AXIN1: variants seen among roughly 807,000 people sequenced by gnomAD.
The protein encoded by AXIN1 is axin-1.
A neutral mutation model predicts 76.4 loss-of-function variants in AXIN1; 30 were observed. The ratio of observed to expected loss-of-function variants is 0.39; its 90% confidence interval spans 0.29 to 0.53. AXIN1 has a LOEUF of 0.53. Among genes scored for constraint, AXIN1 ranks in the 20% least tolerant of loss-of-function variants. The pLI, the probability that AXIN1 is intolerant of heterozygous loss-of-function variation, is 0.66. For missense variants in AXIN1, 1,140 were observed against 1,198.8 expected, an observed-to-expected ratio of 0.95 and a Z score of 0.72; for synonymous variants, 545 against 501.4, an observed-to-expected ratio of 1.09 and a Z score of -1.16.
intron 10 of AXIN1, 28 bp downstream of exon 10, chr16:289,412 G>C (rs890629544): frequency 1.2e-6 from 2 of 1,612,152 alleles, no homozygotes; most frequent in South Asian, 1.1e-5. Context: ...CTCGTGCGGG[G>C]AGGGGGCACC....
chr16:293,241 G>T lies in AXIN1; in HGVS notation c.2186+247C>A. On this transcript the variant is annotated intron_variant, in intron 8 of 10. Transcript: ENST00000262320. This position sits in a 1 kb window ranked among gnomAD's most constrained non-coding sequence, Gnocchi z 4.6. Reference sequence around the variant, plus strand: ...TGGGCTCAGGTTGAGGAGGGACCCCGCCTCCAGAGCAATGAGCGCGGCGGC... The same window carrying T: ...TGGGCTCAGGTTGAGGAGGGACCCCTCCTCCAGAGCAATGAGCGCGGCGGC... 3.5e-6 allele frequency: 2 copies of T among 569,312 alleles called. No homozygotes were observed. Among genetic ancestry groups the T allele is most frequent in the Non-Finnish European group, 6.3e-6 (2 of 318,148 alleles). The allele number at this position is 569,312 out of a possible 1,614,324, so 35.3% of individuals were successfully genotyped here.
rs1187459071 is a variant in AXIN1 at position 326,354 on chromosome 16, C to CA, written c.879-11672dup. On this transcript the variant is annotated intron_variant, in intron 2 of 10. Coordinates refer to ENST00000262320, the MANE Select transcript of AXIN1 (RefSeq NM_003502.4). ...GGGCAACAAGAGCAAAACTCCGTCTCAAAAAAAAAAAAAAAAAAATATATA... is the reference window on the plus strand; with the variant it reads ...GGGCAACAAGAGCAAAACTCCGTCTCAAAAAAAAAAAAAAAAAAAATATATA... Among the ~76,000 whole-genome samples, 259 of 64,158 alleles carry CA rather than the reference C, an allele frequency of 4.0e-3. 6 individuals are homozygous for CA. Among genetic ancestry groups the CA allele is most frequent in the African/African-American group, 0.011 (160 of 15,154 alleles). The allele number at this position is 64,158 out of a possible 152,430, so 42.1% of individuals were successfully genotyped here.
At chr16:331,610 T>A (rs1031765863) in intron 2 of AXIN1, among the ~76,000 whole-genome samples, 1 of 152,194 alleles carries the variant, frequency 6.6e-6, no homozygotes, top group Non-Finnish European at 1.5e-5. Flanking sequence ...TATCAGCGTA[T>A]AGAATGCACA....
At chr16:351,328 G>A (rs922799126) in intron 1 of AXIN1, among the ~76,000 whole-genome samples, 1 of 151,148 alleles carries the variant, frequency 6.6e-6, no homozygotes. Context: ...TCTTAGAAGG[G>A]GCCAGGCGCG....
Position 297,578 on chromosome 16 carries a change from G to A in AXIN1, c.1784+144C>T, listed in dbSNP as rs942856620. On this transcript the variant is annotated intron_variant, in intron 6 of 10. Transcript: ENST00000262320. ...ACGGCGTGGACTCCCCTGACCCAGG[G>A]CCCAGTCCACTCCCTCCAGCAGAGG... is the stretch of plus-strand genomic sequence containing the variant. 11 of 1,245,294 alleles carry A rather than the reference G, an allele frequency of 8.8e-6. No homozygotes were observed. In the South Asian group the frequency reaches 1.3e-4, roughly 14 times the overall value. 77.1% of individuals were successfully genotyped at this position (1,245,294 alleles called of 1,614,324 possible). A position where few individuals can be genotyped will look rare whatever the true frequency, so the allele number is the denominator to read the frequency against.
Position 304,348 on chromosome 16 carries a change from C to T in AXIN1, c.1210G>A (p.Glu404Lys), listed in dbSNP as rs2141545749. 1 of 1,612,556 alleles carries T rather than the reference C, an allele frequency of 6.2e-7. No homozygotes were observed. The highest frequency in any genetic ancestry group is 8.5e-7 in the Non-Finnish European group (1 of 1,179,880). ...CGCTCCTCCAGCTTCTCCTCGGCCT[C>T]CCGCGTGCGCTGCACAGCCTCCAGG... ...HRLEAVQRTR[E>K]AEEKLEERLK... The change falls in exon 5 of 11, where the codon GAG becomes AAG. Residue 404 changes from glutamate (E) to lysine (K), a missense_variant. By Grantham distance (56) the Glu-to-Lys change is moderately conservative (BLOSUM62 1). Coordinates refer to ENST00000262320, the MANE Select transcript of AXIN1 (RefSeq NM_003502.4).
intron 2 of AXIN1, among the ~76,000 whole-genome samples, chr16:326,394 T>TATATATATATATATATATACACAC (rs144093618): frequency 1.2e-3 from 140 of 119,410 alleles, no homozygotes; most frequent in African/African-American, 2.4e-3. Flanking sequence ...TATATATATA[T>TATATATATATATATATATACACAC]ACACACCTAT....
At chr16:296,616 C>T (rs1377887147) in intron 7 of AXIN1, among the ~76,000 whole-genome samples, 1 of 152,226 alleles carries the variant, frequency 6.6e-6, no homozygotes, top group East Asian at 1.9e-4. Flanking sequence ...GAGAAGTGCT[C>T]ACGCTACACA....
intron 2 of AXIN1, among the ~76,000 whole-genome samples, chr16:335,519 G>C (rs1410475106): frequency 2.6e-5 from 4 of 151,750 alleles, no homozygotes; most frequent in African/African-American, 7.3e-5. Flanking sequence ...ACAGCACCCA[G>C]TACCACGGCA....
intron 2 of AXIN1, among the ~76,000 whole-genome samples, chr16:335,837 A>G (rs181516707): frequency 6.6e-6 from 1 of 151,738 alleles, no homozygotes; most frequent in Non-Finnish European, 1.5e-5. Flanking sequence ...CAAGCACTCT[A>G]TTGAGCTGAA....
chr16:303,696 C>G (rs542721260), intron 5 of AXIN1, among the ~76,000 whole-genome samples: 2 of 152,286 alleles, frequency 1.3e-5, no homozygotes, highest in African/African-American at 4.8e-5. Flanking sequence ...CCCTTTTTAC[C>G]TTTTCACCCA....
rs1567264026 is a variant in AXIN1 at position 296,510 on chromosome 16, AC to A, written c.1955+545del. 2.0e-5 allele frequency among the ~76,000 whole-genome samples: 3 copies of A among 152,086 alleles called. No individual in the cohort carries two copies. In the South Asian group the frequency reaches 6.2e-4, roughly 31 times the overall value. Reference sequence around the variant, plus strand: ...GGCCCAGGGGGCGAGCAGGAGCAACACCAAGACCGGCCCGGCGGGCAGCGGC... The same window carrying A: ...GGCCCAGGGGGCGAGCAGGAGCAACACAAGACCGGCCCGGCGGGCAGCGGC... On this transcript the variant is annotated intron_variant, in intron 7 of 10. Transcript: ENST00000262320.
chr16:349,052 C>T (rs1190707427), intron 1 of AXIN1, among the ~76,000 whole-genome samples: 1 of 150,498 alleles, frequency 6.6e-6, no homozygotes, highest in African/African-American at 2.4e-5. Context: ...GAGCCGACAC[C>T]GCGCCGGCCA....
At chr16:346,089 G>T (rs2141699454) in intron 2 of AXIN1, 59 bp downstream of exon 2, 2 of 1,564,092 alleles carry the variant, frequency 1.3e-6, no homozygotes. Context: ...CCTTTCCCTG[G>T]CTTGTTCTCC....
In AXIN1 at chr16:294,264, A is replaced by T. The variant is rs147794644; in HGVS notation, c.1956-546T>A. Among the ~76,000 whole-genome samples, 25 of 152,266 alleles carry T rather than the reference A, an allele frequency of 1.6e-4. No individual in the cohort carries two copies. In the East Asian group the frequency reaches 4.6e-3, roughly 28 times the overall value. On this transcript the variant is annotated intron_variant, in intron 7 of 10. Transcript: ENST00000262320. ...CGCCTGAGGTCAGGAGTTCAAGAAC[A>T]GCCTGGCCAACATGGCAAAACCATG...
chr16:294,411 T>C (rs1452155586), intron 7 of AXIN1, among the ~76,000 whole-genome samples: 1 of 133,128 alleles, frequency 7.5e-6, no homozygotes, highest in Non-Finnish European at 1.5e-5. Context: ...TGCGGTGAGC[T>C]GAGATTGCAC....
At chr16:302,677 A>C (rs1365820344) in intron 5 of AXIN1, among the ~76,000 whole-genome samples, 1 of 152,092 alleles carries the variant, frequency 6.6e-6, no homozygotes, top group South Asian at 2.1e-4. Flanking sequence ...TGAAAGAGTG[A>C]GTGTACCGAG....
chr16:342,637 A>G (rs1323807603), intron 2 of AXIN1, among the ~76,000 whole-genome samples: 1 of 152,212 alleles, frequency 6.6e-6, no homozygotes, highest in Non-Finnish European at 1.5e-5. Context: ...CCCCCAGCGC[A>G]CGCACCGTGA....
In AXIN1 at chr16:293,395, C is replaced by A; in HGVS notation, c.2186+93G>T. The A allele has an allele frequency of 7.6e-7, 1 of 1,320,380 alleles. No homozygotes were observed. The highest frequency in any genetic ancestry group is 1.1e-6 in the Non-Finnish European group (1 of 948,962). The allele number at this position is 1,320,380 out of a possible 1,614,324, so 81.8% of individuals were successfully genotyped here. ...GGGGGACACCCAGAGGGCCGTTTTTCCCCTGAAGACCTCAGGCCTCGGGGA... is the reference window on the plus strand; with the variant it reads ...GGGGGACACCCAGAGGGCCGTTTTTACCCTGAAGACCTCAGGCCTCGGGGA... On this transcript the variant is annotated intron_variant, in intron 8 of 10. Coordinates refer to ENST00000262320, the MANE Select transcript of AXIN1 (RefSeq NM_003502.4). This position sits in a 1 kb window ranked among gnomAD's most constrained non-coding sequence, Gnocchi z 4.6.
Sources: gnomAD v4.1 joint callset for allele counts (sites outside exome capture counted in the v4.1 genomes callset) on GRCh38, gnomAD v4.1.1 for gene constraint, Gnocchi (gnomAD v3.1) non-coding constraint, MANE v1.5 for transcripts, NCBI Gene and HGNC (gene_info 2026-07-23, HGNC 2026-07-21) for gene names.